The following CMYA5 variants were observed in gnomAD, a reference collection of about 807,000 sequenced individuals.
The protein encoded by CMYA5 is cardiomyopathy associated 5, also known as cardiomyopathy-associated protein 5.
CMYA5 carries 246 observed loss-of-function variants against 318.9 expected under a neutral mutation model. The ratio of observed to expected loss-of-function variants is 0.77; its 90% CI spans 0.70 to 0.86. CMYA5 has a LOEUF of 0.86. CMYA5 is among the 40% of genes least tolerant of loss of function. CMYA5 has a pLI of 0.00. For missense variants in CMYA5, 4,589 were observed against 4,678.2 expected (o/e 0.98, Z 0.56); for synonymous variants, 1,641 against 1,729.5 (o/e 0.95, Z 1.27).
chr5:79,750,480 T>C (rs1828409309), intron 5 of CMYA5, among the ~76,000 whole-genome samples: 1 of 152,232 alleles, frequency 6.6e-6, no homozygotes, highest in African/African-American at 2.4e-5. Context: ...TTTTCAGTTG[T>C]ACAGAGAGTC....
chr5:79,743,161 G>A (rs891636801), intron 2 of CMYA5, among the ~76,000 whole-genome samples: 1 of 152,188 alleles, frequency 6.6e-6, no homozygotes, highest in African/African-American at 2.4e-5. Context: ...CTGAAGCTCT[G>A]CTATTTTTTC....
chr5:79,762,089 C>A (rs530176238), intron 8 of CMYA5, 132 bp downstream of exon 8: 1 of 1,020,772 alleles, frequency 9.8e-7, no homozygotes, highest in East Asian at 2.7e-5. Flanking sequence ...GGTTATACAA[C>A]GATGACTTAA....
At chr5:79,760,024 C>T (rs751110611) in intron 7 of CMYA5, among the ~76,000 whole-genome samples, 3 of 152,080 alleles carry the variant, frequency 2.0e-5, no homozygotes, top group South Asian at 2.1e-4. Flanking sequence ...TGTACATGAC[C>T]GGGGGCAGGA....
intron 6 of CMYA5, among the ~76,000 whole-genome samples, chr5:79,755,456 G>A (rs1320536561): frequency 6.6e-6 from 1 of 151,932 alleles, no homozygotes; most frequent in Non-Finnish European, 1.5e-5. Context: ...CCAGCTAATT[G>A]TTGTATTTTT....
Position 79,731,129 on chromosome 5 carries a change from T to TGTCCGGAAGAATCCG in CMYA5, c.2365_2366insTCCGGAAGAATCCGG (p.Ser788_Glu789insValArgLysAsnPro). ...CATCAGAAGGAGAGGACCTAGGAAG[T>TGTCCGGAAGAATCCG]GAACGTTTCACACCGGATTCAAAGT... On this transcript the variant is annotated inframe_insertion, in exon 2 of 13. Coordinates refer to ENST00000446378, the MANE Select transcript of CMYA5 (RefSeq NM_153610.5). 6.2e-7 allele frequency: 1 copy of TGTCCGGAAGAATCCG among 1,614,002 alleles called. No homozygotes were observed. The highest frequency in any genetic ancestry group is 1.1e-5 in the South Asian group (1 of 91,078).
intron 2 of CMYA5, among the ~76,000 whole-genome samples, chr5:79,739,611 T>G (rs1195957112): frequency 6.6e-6 from 1 of 152,044 alleles, no homozygotes; most frequent in Non-Finnish European, 1.5e-5. Context: ...CTCCTTATCC[T>G]TGAGTTCTGC....
chr5:79,751,618 C>T (rs1425928216), intron 5 of CMYA5, among the ~76,000 whole-genome samples: 1 of 152,162 alleles, frequency 6.6e-6, no homozygotes, highest in Non-Finnish European at 1.5e-5. Flanking sequence ...TCCACACCCC[C>T]ACAAAACTAT....
chr5:79,748,853 A>G (rs1027378327), intron 5 of CMYA5, among the ~76,000 whole-genome samples: 10 of 152,058 alleles, frequency 6.6e-5, no homozygotes, highest in Non-Finnish European at 1.0e-4. Context: ...ATTTCTTTTT[A>G]TCCAAAAAGC....
chr5:79,787,431 A>C (rs1317698231), intron 9 of CMYA5, among the ~76,000 whole-genome samples: 17 of 152,232 alleles, frequency 1.1e-4, no homozygotes, highest in African/African-American at 4.1e-4. Flanking sequence ...AAGATAAGCA[A>C]TACATCTACC....
At position 79,793,610 on chromosome 5, in the gene CMYA5, G is replaced by T. The variant is rs758125104; in HGVS notation, c.11963G>T (p.Arg3988Ile). The change falls in exon 12 of 13, where the codon AGA (arginine) becomes ATA (isoleucine). Residue 3988 changes from arginine to isoleucine, a missense_variant and splice_region_variant. Arg to Ile is a moderately conservative substitution (Grantham distance 97, BLOSUM62 -3). Around this residue, in one of 3 missense-constraint regions of CMYA5, gnomAD observed 2,431 missense variants for 2,495.1 expected, o/e 0.97. Transcript: ENST00000446378. Reference protein sequence around the residue: ...SWYMHCSEPQRYTFFYSGIVS... With the variant: ...SWYMHCSEPQIYTFFYSGIVS... ...TACATGCACTGCTCTGAGCCACAGA[G>T]GTAAGCGAGCCCTTCCCCTCCCCTC... The T allele has an allele frequency of 6.3e-7, 1 of 1,590,024 alleles. No homozygotes were observed. Among genetic ancestry groups the T allele is most frequent in the Non-Finnish European group, 8.6e-7 (1 of 1,160,766 alleles).
chr5:79,697,071 G>A (rs1827081423), intron 1 of CMYA5, among the ~76,000 whole-genome samples: 1 of 152,140 alleles, frequency 6.6e-6, no homozygotes, highest in South Asian at 2.1e-4. Flanking sequence ...ATTTACTGTG[G>A]GCCTACTGTG....
rs1454231778 is a variant in CMYA5, at chr5:79,736,473, A to G, written c.7708A>G (p.Arg2570Gly). Reference protein sequence around the residue: ...YSVNVAESMSRESDISLGHSL... With the variant: ...YSVNVAESMSGESDISLGHSL... Reference sequence around the variant, plus strand: ...TGTGAATGTAGCCGAGTCTATGAGTAGAGAATCAGATATCTCTTTAGGTCA... The same window carrying G: ...TGTGAATGTAGCCGAGTCTATGAGTGGAGAATCAGATATCTCTTTAGGTCA... Residue 2570 changes from arginine to glycine, a missense_variant, in exon 2 of 13, where the codon AGA becomes GGA. Arg to Gly is a moderately radical substitution (Grantham distance 125). Around this residue, in one of 3 missense-constraint regions of CMYA5, gnomAD observed 2,431 missense variants for 2,495.1 expected, o/e 0.97. Transcript: ENST00000446378. 1 of 1,610,856 alleles carries G rather than the reference A, an allele frequency of 6.2e-7. No homozygotes were observed. Among genetic ancestry groups the G allele is most frequent in the South Asian group, 1.1e-5 (1 of 90,700 alleles).
Position 79,738,868 on chromosome 5 carries a change from A to G in CMYA5, c.10103A>G (p.Glu3368Gly), listed in dbSNP as rs1208146513. 3 of 1,613,938 alleles carry G rather than the reference A, an allele frequency of 1.9e-6. No individual in the cohort carries two copies. The highest frequency in any genetic ancestry group is 2.5e-6 in the Non-Finnish European group (3 of 1,179,856). The stretch of plus-strand genomic sequence containing the variant: ...AATGAAGTCGGAAATGCAAGTCCAG[A>G]GGTCAATCTGAATGTCCCAGTACAA... ...HGNEVGNASP[E>G]VNLNVPVQVS... is the part of the protein sequence containing the mutation. The change falls in exon 2 of 13, where the codon GAG becomes GGG. Residue 3368 changes from glutamate (E) to glycine (G), a missense_variant. This residue lies in a region of CMYA5 where 2,431 missense variants were observed against 2,495.1 expected (regional missense o/e 0.97). Transcript: ENST00000446378.
intron 12 of CMYA5, among the ~76,000 whole-genome samples, chr5:79,795,833 G>A (rs1281329550): frequency 6.6e-6 from 1 of 152,174 alleles, no homozygotes; most frequent in Admixed American, 6.5e-5. Flanking sequence ...GAGGAGGGGA[G>A]GCAGTTCCAA....
rs913602441 is a variant in CMYA5, at chr5:79,792,454, G to T, written c.11790-983G>T. On this transcript the variant is annotated intron_variant, in intron 11 of 12. Transcript: ENST00000446378. The stretch of plus-strand genomic sequence containing the variant: ...GATAATAACTGATGATAACTGTAAT[G>T]TGTTTTATAGAATTTTATTTATTAT... Among the ~76,000 whole-genome samples, 7 of 152,314 alleles carry T rather than the reference G, an allele frequency of 4.6e-5. No homozygotes were observed. In the East Asian group the frequency reaches 1.3e-3, roughly 29 times the overall value.
intron 9 of CMYA5, among the ~76,000 whole-genome samples, chr5:79,768,126 G>T (rs1828787749): frequency 6.6e-6 from 1 of 151,596 alleles, no homozygotes; most frequent in Admixed American, 6.6e-5. Flanking sequence ...TGCAACCCCT[G>T]CTTTTTTTTT....
Position 79,730,031 on chromosome 5 carries a change from A to G in CMYA5, c.1266A>G (p.Val422=), listed in dbSNP as rs752246968. Residue 422 remains valine, a synonymous_variant, in exon 2 of 13, where the codon GTA becomes GTG. Coordinates refer to ENST00000446378, the MANE Select transcript of CMYA5 (RefSeq NM_153610.5). ...SSVSPSFANE[V]KKEDVYSAHH... ...TCTCACCATCATTTGCTAATGAGGT[A>G]AAGAAGGAAGATGTGTATTCTGCTC... The G allele has an allele frequency of 2.8e-5, 45 of 1,613,916 alleles. 1 individual carries two copies. The South Asian group carries it at 4.8e-4, about 17-fold the overall frequency.
Position 79,737,429 on chromosome 5 carries a change from A to C in CMYA5, c.8664A>C (p.Ala2888=). 1.2e-6 allele frequency: 2 copies of C among 1,613,898 alleles called. No homozygotes were observed. Among genetic ancestry groups the C allele is most frequent in the Non-Finnish European group, 1.7e-6 (2 of 1,179,828 alleles). The part of the protein sequence containing the change: ...DTRVKEPLSS[A]KSNYAQFISN... ...GTGTAAAGGAACCACTGTCTTCAGC[A>C]AAAAGCAACTATGCTCAATTTATAT... Residue 2888 remains alanine (A), a synonymous_variant, in exon 2 of 13, where the codon GCA becomes GCC. Coordinates refer to ENST00000446378, the MANE Select transcript of CMYA5 (RefSeq NM_153610.5).
At chr5:79,701,959 C>T (rs936348385) in intron 1 of CMYA5, among the ~76,000 whole-genome samples, 2 of 151,864 alleles carry the variant, frequency 1.3e-5, no homozygotes, top group Non-Finnish European at 2.9e-5. Context: ...AACTCCATCT[C>T]TACTAAAAAT....
Sources: allele counts gnomAD v4.1 joint callset (sites outside exome capture counted in the v4.1 genomes callset), GRCh38; gene constraint gnomAD v4.1.1; regional missense constraint gnomAD v4.1.1; transcripts MANE v1.5; gene names NCBI Gene and HGNC (gene_info 2026-07-23, HGNC 2026-07-21).